The following LIPC variants were observed in gnomAD, a reference collection of about 807,000 sequenced individuals.
LIPC encodes the protein lipase C, hepatic type.
Under a neutral mutation model 50.7 loss-of-function variants are expected in LIPC, and 44 were observed. The observed-to-expected ratio is 0.87, with a 90% CI of 0.68 to 1.11. LIPC has a LOEUF of 1.11. Among genes scored for constraint, LIPC ranks in the 50% most tolerant of loss-of-function variants. The pLI is 0.00. For missense variants in LIPC, 697 were observed against 648.2 expected (o/e 1.08, Z -0.82); for synonymous variants, 271 against 256.4 (o/e 1.06, Z -0.54).
At chr15:58,487,675 G>A (rs1202981538) in intron 1 of LIPC, among the ~76,000 whole-genome samples, 3 of 152,232 alleles carry the variant, frequency 2.0e-5, no homozygotes, top group Non-Finnish European at 2.9e-5. Flanking sequence ...TTTCTGTAGA[G>A]TGGGGACTGA....
intron 1 of LIPC, among the ~76,000 whole-genome samples, chr15:58,480,636 C>A (rs191453292): frequency 4.6e-5 from 7 of 152,290 alleles, no homozygotes; most frequent in African/African-American, 1.7e-4. Context: ...AACCTTCAGC[C>A]CAGGACTGCC....
intron 1 of LIPC, among the ~76,000 whole-genome samples, chr15:58,491,894 A>G (rs1182625239): frequency 6.6e-6 from 1 of 152,142 alleles, no homozygotes; most frequent in Non-Finnish European, 1.5e-5. Context: ...GTCCTTCCAG[A>G]GATGCTAACA....
intron 1 of LIPC, among the ~76,000 whole-genome samples, chr15:58,487,608 G>C (rs1891422410): frequency 6.6e-6 from 1 of 152,134 alleles, no homozygotes. Context: ...GTCTTGCTCT[G>C]GCCCAAACAA....
At chr15:58,452,501 T>C (rs1893938521) in intron 1 of LIPC, among the ~76,000 whole-genome samples, 1 of 152,220 alleles carries the variant, frequency 6.6e-6, no homozygotes, top group South Asian at 2.1e-4. Context: ...TCAAGTTATA[T>C]GCTTCCATCC....
At chr15:58,477,937 G>A (rs1227503222) in intron 1 of LIPC, among the ~76,000 whole-genome samples, 4 of 151,970 alleles carry the variant, frequency 2.6e-5, no homozygotes, top group African/African-American at 9.7e-5. Flanking sequence ...CTGAGTACCT[G>A]TCTTCCCAGT....
chr15:58,519,727 C>G (rs1892595797), intron 1 of LIPC, among the ~76,000 whole-genome samples: 3 of 152,224 alleles, frequency 2.0e-5, no homozygotes, highest in Non-Finnish European at 2.9e-5. Flanking sequence ...TCACTGGAGA[C>G]TGGGGTGGTG....
intron 1 of LIPC, among the ~76,000 whole-genome samples, chr15:58,488,931 T>G (rs1472551463): frequency 6.6e-6 from 1 of 152,152 alleles, no homozygotes; most frequent in African/African-American, 2.4e-5. Flanking sequence ...AATCTTGACT[T>G]CTGGTTTTGT....
intron 1 of LIPC, among the ~76,000 whole-genome samples, chr15:58,486,964 T>A (rs1891397667): frequency 6.6e-6 from 1 of 152,162 alleles, no homozygotes; most frequent in Non-Finnish European, 1.5e-5. Flanking sequence ...GGGCCCACAG[T>A]GGGTGTGAGG....
At chr15:58,519,374 G>A (rs1446877143) in intron 1 of LIPC, among the ~76,000 whole-genome samples, 1 of 146,574 alleles carries the variant, frequency 6.8e-6, no homozygotes, top group Non-Finnish European at 1.5e-5. Context: ...TTGTGCCACT[G>A]CACTCCAGCC....
At chr15:58,477,626 C>T (rs531583158) in intron 1 of LIPC, among the ~76,000 whole-genome samples, 19 of 152,180 alleles carry the variant, frequency 1.2e-4, no homozygotes, top group East Asian at 3.9e-4. Flanking sequence ...GACAGCTCTC[C>T]GGTTTTCAGC....
At position 58,567,348 on chromosome 15, in the gene LIPC, T is replaced by TATATATATATATAC. The variant is rs1566955248; in HGVS notation, c.1389-1358_1389-1357insATACATATATATAT. ...GTATATATATATATATGTATATGTA[T>TATATATATATATAC]ATATATATATGTATATGTATATATA... On this transcript the variant is annotated intron_variant, in intron 8 of 8. Coordinates refer to ENST00000299022, the MANE Select transcript of LIPC (RefSeq NM_000236.3). 1.1e-4 allele frequency among the ~76,000 whole-genome samples: 9 copies of TATATATATATATAC among 79,884 alleles called. 1 individual carries two copies. The highest frequency in any genetic ancestry group is 5.0e-3 in the Middle Eastern group (1 of 202). 52.4% of individuals were successfully genotyped at this position (79,884 alleles called of 152,430 possible). A position where few individuals can be genotyped will look rare whatever the true frequency, so the allele number is the denominator to read the frequency against.
chr15:58,498,518 C>A (rs1891856522), intron 1 of LIPC: 1 of 152,066 alleles, frequency 6.6e-6, no homozygotes, highest in Non-Finnish European at 1.5e-5. Flanking sequence ...ATATACAGTA[C>A]ACAAACAGGG....
chr15:58,451,282 T>G (rs1893891350), intron 1 of LIPC, among the ~76,000 whole-genome samples: 1 of 152,204 alleles, frequency 6.6e-6, no homozygotes, highest in African/African-American at 2.4e-5. Context: ...ATTGTATTCG[T>G]TGAGACTTTG....
In LIPC at chr15:58,540,294, A is replaced by G. The variant is rs117018531; in HGVS notation, c.274-1491A>G. 3.4e-3 allele frequency among the ~76,000 whole-genome samples: 521 copies of G among 152,340 alleles called. 11 individuals are homozygous for G. Among genetic ancestry groups the G allele is most frequent in the Admixed American group, 0.028 (435 of 15,306 alleles). ...CCTCCTCCTATTACTGCTAATATTA[A>G]TAACAACAACAACTGCAGTAACGAA... On this transcript the variant is annotated intron_variant, in intron 2 of 8. Transcript: ENST00000299022.
chr15:58,480,143 T>A (rs1371274744), intron 1 of LIPC, among the ~76,000 whole-genome samples: 4 of 152,220 alleles, frequency 2.6e-5, no homozygotes, highest in Non-Finnish European at 5.9e-5. Flanking sequence ...CCTCTTGGCC[T>A]GGTGAAATCT....
chr15:58,487,180 T>C (rs1891408451), intron 1 of LIPC, among the ~76,000 whole-genome samples: 1 of 152,228 alleles, frequency 6.6e-6, no homozygotes. Flanking sequence ...AGGTGGTTCT[T>C]ACACACTAAC....
In LIPC at chr15:58,548,514, G is replaced by T; in HGVS notation, c.993G>T (p.Glu331Asp). The T allele has an allele frequency of 6.2e-7, 1 of 1,603,116 alleles. No individual in the cohort carries two copies. The highest frequency in any genetic ancestry group is 8.5e-7 in the Non-Finnish European group (1 of 1,174,418). The change falls in exon 6 of 9, where the codon GAG (glutamate) becomes GAT (aspartate). Residue 331 changes from glutamate to aspartate, a missense_variant. Physicochemically the swap from Glu to Asp is conservative, Grantham distance 45. Coordinates refer to ENST00000299022, the MANE Select transcript of LIPC (RefSeq NM_000236.3). ...CNTLGYHVRQ[E>D]PRSKSKRLFL... ...CGCTGGGCTACCACGTCCGCCAGGA[G>T]CCGCGGAGCAAGAGCAAGAGGCTCT...
At chr15:58,536,557 C>T (rs1271441301) in intron 1 of LIPC, among the ~76,000 whole-genome samples, 5 of 152,042 alleles carry the variant, frequency 3.3e-5, no homozygotes, top group African/African-American at 4.8e-5. Context: ...TTGGACTGAT[C>T]GAGAAGCTGG....
At chr15:58,471,336 G>GGGC (rs35752762) in intron 1 of LIPC, among the ~76,000 whole-genome samples, 14,502 of 134,980 alleles carry the variant, frequency 0.11, 1,124 homozygotes, top group South Asian at 0.15. Context: ...GATGGGGGGG[G>GGGC]GTGGTCTCAC....
Sources: allele counts gnomAD v4.1 joint callset (sites outside exome capture counted in the v4.1 genomes callset), GRCh38; gene constraint gnomAD v4.1.1; transcripts MANE v1.5; gene names NCBI Gene and HGNC (gene_info 2026-07-23, HGNC 2026-07-21).